The following GRIA4 variants were observed in gnomAD, a reference collection of about 807,000 sequenced individuals.
The protein encoded by GRIA4 is glutamate ionotropic receptor AMPA type subunit 4, also known as glutamate receptor 4.
GRIA4 carries 34 observed loss-of-function variants against 104.0 expected under a neutral mutation model. The observed-to-expected ratio is 0.33, with a 90% CI of 0.25 to 0.44. The LOEUF (loss-of-function observed/expected upper bound fraction) is 0.44. Ranked by LOEUF, GRIA4 falls within the 20% of genes least tolerant of loss-of-function variation. The pLI is 1.00. For missense variants in GRIA4, 750 were observed against 1,096.5 expected, an observed-to-expected ratio of 0.68 and a Z score of 4.46; for synonymous variants, 386 against 381.9, an observed-to-expected ratio of 1.01 and a Z score of -0.13.
chr11:105,752,845 A>C, intron 3 of GRIA4, 136 bp from the exon 4 acceptor site: 1 of 778,204 alleles, frequency 1.3e-6, no homozygotes, highest in Non-Finnish European at 2.1e-6. Flanking sequence ...CACTTCACTT[A>C]TACTCTTTAT....
chr11:105,763,439 G>C (rs952648420), intron 4 of GRIA4, among the ~76,000 whole-genome samples: 1 of 152,114 alleles, frequency 6.6e-6, no homozygotes, highest in African/African-American at 2.4e-5. Flanking sequence ...AATGTAAATA[G>C]ACTCATCTAT....
At chr11:105,630,010 G>A (rs1211660325) in intron 3 of GRIA4, among the ~76,000 whole-genome samples, 1 of 152,154 alleles carries the variant, frequency 6.6e-6, no homozygotes, top group Non-Finnish European at 1.5e-5. Context: ...TTTCAATTCT[G>A]TATAAAAGAC....
intron 3 of GRIA4, among the ~76,000 whole-genome samples, chr11:105,630,153 C>A (rs558917264): frequency 1.3e-5 from 2 of 152,238 alleles, no homozygotes; most frequent in African/African-American, 2.4e-5. Context: ...TACCCTACTA[C>A]GTGATATTAT....
intron 3 of GRIA4, among the ~76,000 whole-genome samples, chr11:105,662,891 T>C (rs1435642504): frequency 1.3e-5 from 2 of 151,878 alleles, no homozygotes; most frequent in African/African-American, 4.8e-5. Flanking sequence ...TTAAACTCCA[T>C]ATGTAGACAT....
intron 10 of GRIA4, chr11:105,913,112 T>C: frequency 1.4e-6 from 1 of 701,582 alleles, no homozygotes; most frequent in Non-Finnish European, 1.8e-6. Context: ...AGAAATTCAG[T>C]TATTCATAAA....
intron 14 of GRIA4, among the ~76,000 whole-genome samples, chr11:105,939,830 T>A (rs533066665): frequency 6.6e-6 from 1 of 152,138 alleles, no homozygotes; most frequent in Non-Finnish European, 1.5e-5. Flanking sequence ...TGGCTTCTAT[T>A]CTCCAGATTG....
At chr11:105,610,847 TTTTTCTTTC>T (rs1007585530) in intron 1 of GRIA4, 52 bp from the exon 2 acceptor site, 13 of 598,198 alleles carry the variant, frequency 2.2e-5, no homozygotes, top group South Asian at 6.5e-5. Context: ...TCTTTCCTTT[TTTTTCTTTC>T]TTTTCTTTCT....
chr11:105,810,564 C>A (rs1943131465), intron 4 of GRIA4, among the ~76,000 whole-genome samples: 4 of 152,138 alleles, frequency 2.6e-5, no homozygotes, highest in Admixed American at 2.6e-4. Flanking sequence ...AAAAAGGGTG[C>A]ACATCTCTGT....
Position 105,845,488 on chromosome 11 carries a change from G to A in GRIA4, c.488-16536G>A, listed in dbSNP as rs73554246. On this transcript the variant is annotated intron_variant, in intron 4 of 16. Coordinates refer to ENST00000282499, the MANE Select transcript of GRIA4 (RefSeq NM_000829.4). Reference sequence around the variant, plus strand: ...GCATCAATGTTACATGGTAAGAAGAGCATGTAGGAAGATAGATTTTGTTGT... The same window carrying A: ...GCATCAATGTTACATGGTAAGAAGAACATGTAGGAAGATAGATTTTGTTGT... 3.5e-3 allele frequency among the ~76,000 whole-genome samples: 531 copies of A among 152,216 alleles called. 3 individuals carry two copies. Among genetic ancestry groups the A allele is most frequent in the African/African-American group, 0.012 (498 of 41,530 alleles).
chr11:105,715,051 T>A (rs536540889), intron 3 of GRIA4, among the ~76,000 whole-genome samples: 1 of 152,270 alleles, frequency 6.6e-6, no homozygotes, highest in African/African-American at 2.4e-5. Flanking sequence ...ATCATCATTT[T>A]AAAAATCTGA....
intron 5 of GRIA4, among the ~76,000 whole-genome samples, chr11:105,878,754 G>A (rs989280885): frequency 6.6e-6 from 1 of 152,184 alleles, no homozygotes; most frequent in African/African-American, 2.4e-5. Context: ...CCAAGCTGGA[G>A]TGTCCCAGGT....
At position 105,836,917 on chromosome 11, in the gene GRIA4, T is replaced by A. The variant is rs765812930; in HGVS notation, c.488-25107T>A. Among the ~76,000 whole-genome samples the A allele has an allele frequency of 5.6e-4, 85 of 152,270 alleles. 1 individual carries two copies. Among genetic ancestry groups the A allele is most frequent in the Non-Finnish European group, 9.7e-4 (66 of 68,024 alleles). On this transcript the variant is annotated intron_variant, in intron 4 of 16. Transcript: ENST00000282499. Reference sequence around the variant, plus strand: ...TTATAGTAGTCTTGACCTAGCAGCATGTATTAGTCCATTCTCACACTGCTA... The same window carrying A: ...TTATAGTAGTCTTGACCTAGCAGCAAGTATTAGTCCATTCTCACACTGCTA...
intron 4 of GRIA4, among the ~76,000 whole-genome samples, chr11:105,849,294 C>T (rs1012480371): frequency 6.6e-6 from 1 of 152,184 alleles, no homozygotes; most frequent in African/African-American, 2.4e-5. Context: ...CCAAAGCACA[C>T]AGCTGCAGAC....
chr11:105,844,734 A>T (rs1223234439), intron 4 of GRIA4, among the ~76,000 whole-genome samples: 1 of 152,170 alleles, frequency 6.6e-6, no homozygotes, highest in Non-Finnish European at 1.5e-5. Context: ...TCCAGACTTT[A>T]TTACTGCTGC....
intron 4 of GRIA4, among the ~76,000 whole-genome samples, chr11:105,804,393 A>G (rs1942857483): frequency 6.6e-6 from 1 of 151,368 alleles, no homozygotes; most frequent in Non-Finnish European, 1.5e-5. Flanking sequence ...AGACCACTGG[A>G]CCATCCTCAG....
Position 105,884,561 on chromosome 11 carries a change from G to C in GRIA4, c.673-2958G>C, listed in dbSNP as rs1464519985. Among the ~76,000 whole-genome samples the C allele has an allele frequency of 2.0e-5, 3 of 152,132 alleles. No homozygotes were observed. In the East Asian group the frequency reaches 5.8e-4, roughly 29 times the overall value. On this transcript the variant is annotated intron_variant, in intron 5 of 16. Coordinates refer to ENST00000282499, the MANE Select transcript of GRIA4 (RefSeq NM_000829.4). ...AGTACATTTGTTTTTTTCCCAGCCA[G>C]GATCTGGCTCAGCAGAGATACTGAT... is the stretch of plus-strand genomic sequence containing the variant.
chr11:105,875,173 A>C (rs1945769151), intron 5 of GRIA4, among the ~76,000 whole-genome samples: 1 of 152,190 alleles, frequency 6.6e-6, no homozygotes. Context: ...TGAGATAATC[A>C]TGTGGTTTTT....
chr11:105,654,063 T>C (rs1303103307), intron 3 of GRIA4, among the ~76,000 whole-genome samples: 1 of 148,044 alleles, frequency 6.8e-6, no homozygotes, highest in African/African-American at 2.5e-5. Flanking sequence ...ATGCTGTCAT[T>C]TGTGACAACA....
rs1255313066 is a variant in GRIA4 at position 105,815,277 on chromosome 11, G to C, written c.488-46747G>C. 2.6e-5 allele frequency among the ~76,000 whole-genome samples: 4 copies of C among 152,138 alleles called. No individual in the cohort carries two copies. In the East Asian group the frequency reaches 5.8e-4, roughly 22 times the overall value. On this transcript the variant is annotated intron_variant, in intron 4 of 16. Coordinates refer to ENST00000282499, the MANE Select transcript of GRIA4 (RefSeq NM_000829.4). ...TGTCTAATAGAACCATGCAATTTAAGATCAGTTCTGGAAGTACATTCATCC... is the reference window on the plus strand; with the variant it reads ...TGTCTAATAGAACCATGCAATTTAACATCAGTTCTGGAAGTACATTCATCC...
Sources: allele counts gnomAD v4.1 joint callset (sites outside exome capture counted in the v4.1 genomes callset), GRCh38; gene constraint gnomAD v4.1.1; transcripts MANE v1.5; gene names NCBI Gene and HGNC (gene_info 2026-07-23, HGNC 2026-07-21).